The following TFEC variants were observed in gnomAD, a reference collection of about 807,000 sequenced individuals.
The protein encoded by TFEC is class E basic helix-loop-helix protein 34.
A neutral mutation model predicts 41.6 loss-of-function variants in TFEC; 31 were observed. The ratio of observed to expected loss-of-function variants is 0.74; its 90% CI spans 0.56 to 1.01. The LOEUF (loss-of-function observed/expected upper bound fraction) is 1.01, where lower values mean the gene tolerates loss of function less well. Ranked by LOEUF, TFEC falls within the 50% of genes least tolerant of loss-of-function variation. The pLI, the probability that TFEC is intolerant of heterozygous loss-of-function variation, is 0.00. For synonymous variants in TFEC, 143 were observed against 140.6 expected, an observed-to-expected ratio of 1.02 and a Z score of -0.12; for missense variants, 402 against 404.1, an observed-to-expected ratio of 0.99 and a Z score of 0.04.
chr7:116,086,973 C>A lies in TFEC; in HGVS notation c.198+23735G>T, dbSNP rs183825590. Among the ~76,000 whole-genome samples the A allele has an allele frequency of 5.8e-4, 88 of 151,964 alleles. 1 individual carries two copies. The highest frequency in any genetic ancestry group is 2.0e-3 in the African/African-American group (85 of 41,514). On this transcript the variant is annotated intron_variant, in intron 3 of 8. Transcript: ENST00000484212. ...AAAATAAGTGAAGTGACATCATTAG[C>A]GCAGCAGCACAATAATGGAGTTATT...
intron 3 of TFEC, among the ~76,000 whole-genome samples, chr7:116,106,506 C>A (rs944508841): frequency 6.6e-6 from 1 of 152,168 alleles, no homozygotes; most frequent in African/African-American, 2.4e-5. Flanking sequence ...CCTCAGCCTC[C>A]TGAGTAGCTG....
intron 3 of TFEC, among the ~76,000 whole-genome samples, chr7:116,072,391 T>C (rs548308426): frequency 1.3e-5 from 2 of 151,814 alleles, no homozygotes; most frequent in Non-Finnish European, 3.0e-5. Flanking sequence ...GCTACAATTG[T>C]ATGTATTTTA....
chr7:116,110,758 C>A, exon 3 of TFEC: 1 of 1,537,474 alleles, frequency 6.5e-7, no homozygotes. Flanking sequence ...CTTGCTGGGA[C>A]AAGTCTATGC....
chr7:116,076,351 T>C (rs962513115), intron 3 of TFEC, among the ~76,000 whole-genome samples: 7 of 152,104 alleles, frequency 4.6e-5, no homozygotes, highest in Non-Finnish European at 7.3e-5. Context: ...TCTGGTAATA[T>C]GACAAGACAT....
At chr7:115,941,407 T>C (rs1584543633) in intron 7 of TFEC, 1 of 164,270 alleles carries the variant, frequency 6.1e-6, no homozygotes, top group African/African-American at 2.4e-5. Context: ...AGTGACTTAA[T>C]ATACACTGTC....
chr7:116,050,163 A>G (rs1424692567), intron 3 of TFEC, among the ~76,000 whole-genome samples: 4 of 152,224 alleles, frequency 2.6e-5, no homozygotes, highest in African/African-American at 4.8e-5. Flanking sequence ...GACACGAAAA[A>G]AAACCCTTCA....
In TFEC at chr7:116,047,884, A is replaced by C. The variant is rs1796209116; in HGVS notation, c.198+62824T>G. On this transcript the variant is annotated intron_variant, in intron 3 of 8. Coordinates refer to the TFEC transcript ENST00000484212. ...ACCAGGCAAACAGGGTCTGCAGTGG[A>C]CCTCCAGCAAACTCCAACAGACCTG... 5.3e-5 allele frequency among the ~76,000 whole-genome samples: 8 copies of C among 152,196 alleles called. No individual in the cohort carries two copies. The South Asian group carries it at 1.7e-3, about 32-fold the overall frequency.
chr7:115,954,536 T>C (rs1792116233), intron 5 of TFEC, 50 bp downstream of exon 5: 1 of 1,509,090 alleles, frequency 6.6e-7, no homozygotes, highest in Non-Finnish European at 9.1e-7. Context: ...CACCTTAACC[T>C]CTATGCATTT....
Position 115,984,391 on chromosome 7 carries a change from A to C in TFEC, c.51T>G (p.Pro17=). ...CAAGAGGCCCACCACTTGGCACTGCAGGTTGTGACCATTTAAGAGTTGGAT... is the reference window on the plus strand; with the variant it reads ...CAAGAGGCCCACCACTTGGCACTGCCGGTTGTGACCATTTAAGAGTTGGAT... ...IINPTLKWSQ[P]AVPSGGPLVQ... is the part of the protein sequence containing the mutation. Residue 17 remains proline, a synonymous_variant, in exon 2 of 8, where the codon CCT becomes CCG. Coordinates refer to ENST00000265440, the MANE Select transcript of TFEC (RefSeq NM_012252.4). The C allele has an allele frequency of 1.9e-6, 3 of 1,614,170 alleles. No homozygotes were observed. The highest frequency in any genetic ancestry group is 2.5e-6 in the Non-Finnish European group (3 of 1,179,994).
At chr7:116,124,667 G>A (rs1439003173) in intron 1 of TFEC, among the ~76,000 whole-genome samples, 4 of 152,094 alleles carry the variant, frequency 2.6e-5, no homozygotes, top group African/African-American at 9.7e-5. Flanking sequence ...TAGGTCTCCA[G>A]TAAAATAATT....
chr7:116,131,084 G>T lies in TFEC; in HGVS notation c.-68-19046C>A, dbSNP rs112504908. Among the ~76,000 whole-genome samples, 332 of 152,186 alleles carry T rather than the reference G, an allele frequency of 2.2e-3. 1 individual carries two copies. The highest frequency in any genetic ancestry group is 7.7e-3 in the African/African-American group (319 of 41,520). ...TATTAATACTAATTATATTTGGTAC[G>T]TTTAAGACCCAAGATCTGATTTATG... is the stretch of plus-strand genomic sequence containing the variant. On this transcript the variant is annotated intron_variant, in intron 1 of 8. Transcript: ENST00000484212.
At chr7:116,074,386 T>C (rs1171133328) in intron 3 of TFEC, among the ~76,000 whole-genome samples, 1 of 151,936 alleles carries the variant, frequency 6.6e-6, no homozygotes, top group Non-Finnish European at 1.5e-5. Context: ...ATCCAAAATA[T>C]ATGAAGAACT....
chr7:116,128,812 T>C (rs774241915), intron 1 of TFEC, among the ~76,000 whole-genome samples: 2 of 152,126 alleles, frequency 1.3e-5, no homozygotes, highest in African/African-American at 2.4e-5. Context: ...AGTAATTCAA[T>C]GAGTAATCTT....
At chr7:116,016,112 A>C (rs1192200412) in intron 1 of TFEC, among the ~76,000 whole-genome samples, 1 of 152,202 alleles carries the variant, frequency 6.6e-6, no homozygotes, top group African/African-American at 2.4e-5. Flanking sequence ...CACCATCACA[A>C]AGCTAATGTA....
At chr7:116,148,718 T>C (rs972109568) in intron 1 of TFEC, among the ~76,000 whole-genome samples, 4 of 152,202 alleles carry the variant, frequency 2.6e-5, no homozygotes, top group Admixed American at 2.0e-4. Flanking sequence ...TCTTCGGGAA[T>C]GTTGAGTTTG....
chr7:116,116,283 G>A (rs1477330978), intron 1 of TFEC, among the ~76,000 whole-genome samples: 1 of 151,862 alleles, frequency 6.6e-6, no homozygotes, highest in African/African-American at 2.4e-5. Context: ...GAGAAGAAAA[G>A]AAGTATATGG....
chr7:115,990,347 A>G (rs77614503), intron 1 of TFEC, among the ~76,000 whole-genome samples: 2 of 152,190 alleles, frequency 1.3e-5, no homozygotes, highest in South Asian at 4.1e-4. Flanking sequence ...GCGGCTCCTC[A>G]CCAGCAACGG....
intron 1 of TFEC, among the ~76,000 whole-genome samples, chr7:115,998,293 C>T (rs1319724772): frequency 6.6e-6 from 1 of 151,776 alleles, no homozygotes; most frequent in Non-Finnish European, 1.5e-5. Flanking sequence ...TTGCAAGCCT[C>T]GTGGTAACTC....
chr7:116,144,174 G>A (rs564492884), intron 1 of TFEC, among the ~76,000 whole-genome samples: 4 of 150,926 alleles, frequency 2.7e-5, no homozygotes, highest in South Asian at 2.1e-4. Context: ...CCAAAATTGT[G>A]CCACTGCACT....
Sources: allele counts gnomAD v4.1 joint callset (sites outside exome capture counted in the v4.1 genomes callset), GRCh38; gene constraint gnomAD v4.1.1; transcripts MANE v1.5; gene names NCBI Gene and HGNC (gene_info 2026-07-23, HGNC 2026-07-21).